Variants in RTN1 observed in about 807,000 individuals in gnomAD.
RTN1 encodes reticulon-1.
A neutral mutation model predicts 65.5 loss-of-function variants in RTN1; 25 were observed. The observed-to-expected ratio is 0.38, with a 90% CI of 0.28 to 0.53. RTN1 has a LOEUF of 0.53. Among genes scored for constraint, RTN1 ranks in the 20% least tolerant of loss-of-function variants. RTN1 has a pLI of 0.79. For missense variants in RTN1, 983 were observed against 1,025.4 expected, an observed-to-expected ratio of 0.96 and a Z score of 0.57; for synonymous variants, 471 against 447.6, an observed-to-expected ratio of 1.05 and a Z score of -0.66.
intron 3 of RTN1, among the ~76,000 whole-genome samples, chr14:59,716,521 T>C (rs931373575): frequency 2.6e-5 from 4 of 152,232 alleles, no homozygotes; most frequent in Admixed American, 2.0e-4. Flanking sequence ...TCTGTCTTTG[T>C]GCTTGTTTCA....
At chr14:59,856,399 CT>C (rs1887608839) in intron 1 of RTN1, among the ~76,000 whole-genome samples, 1 of 152,176 alleles carries the variant, frequency 6.6e-6, no homozygotes, top group African/African-American at 2.4e-5. Context: ...GCTGCCTTCT[CT>C]GGTAAGAGAA....
At chr14:59,683,736 A>G (rs1404326696) in intron 3 of RTN1, among the ~76,000 whole-genome samples, 1 of 152,012 alleles carries the variant, frequency 6.6e-6, no homozygotes, top group Non-Finnish European at 1.5e-5. Flanking sequence ...TTACTCTCTT[A>G]TTTCCTTAGT....
intron 3 of RTN1, among the ~76,000 whole-genome samples, chr14:59,617,465 A>G (rs1231226856): frequency 6.6e-6 from 1 of 152,254 alleles, no homozygotes; most frequent in Non-Finnish European, 1.5e-5. Flanking sequence ...CTCTTGCTGT[A>G]CTTTATGCAA....
chr14:59,654,299 G>A (rs913706814), intron 3 of RTN1, among the ~76,000 whole-genome samples: 2 of 151,904 alleles, frequency 1.3e-5, no homozygotes, highest in Admixed American at 6.6e-5. Flanking sequence ...ATGGTGGCTC[G>A]TGCCTGTAGC....
At chr14:59,782,596 T>G (rs1257095926) in intron 1 of RTN1, among the ~76,000 whole-genome samples, 1 of 152,168 alleles carries the variant, frequency 6.6e-6, no homozygotes, top group African/African-American at 2.4e-5. Context: ...ATCCCAAGTC[T>G]CTTACCTAAT....
At chr14:59,801,069 G>A (rs1238083790) in intron 1 of RTN1, among the ~76,000 whole-genome samples, 3 of 151,852 alleles carry the variant, frequency 2.0e-5, no homozygotes, top group Non-Finnish European at 2.9e-5. Context: ...GAATGGGGGA[G>A]GAAAAAACAA....
In RTN1 at chr14:59,810,798, C is replaced by T. The variant is rs563337096; in HGVS notation, c.241+59592G>A. Among the ~76,000 whole-genome samples the T allele has an allele frequency of 9.2e-5, 14 of 152,224 alleles. No homozygotes were observed. In the East Asian group the frequency reaches 2.1e-3, roughly 23 times the overall value. On this transcript the variant is annotated intron_variant, in intron 1 of 8. Transcript: ENST00000267484. ...GACAAGTACAGCCATGGCAGCAAGA[C>T]AATATGTTGCGTGTAGAGAACTAAA...
chr14:59,747,824 T>C (rs1035404545), intron 1 of RTN1, among the ~76,000 whole-genome samples: 1 of 151,900 alleles, frequency 6.6e-6, no homozygotes, highest in South Asian at 2.1e-4. Context: ...CACACACACA[T>C]ATACACAAAC....
chr14:59,686,629 C>T (rs1005268972), intron 3 of RTN1, among the ~76,000 whole-genome samples: 21 of 152,182 alleles, frequency 1.4e-4, no homozygotes, highest in African/African-American at 5.1e-4. Flanking sequence ...AAACAGCCCT[C>T]GTGACAGTGT....
At chr14:59,740,549 G>A (rs1885096463) in intron 2 of RTN1, among the ~76,000 whole-genome samples, 1 of 152,090 alleles carries the variant, frequency 6.6e-6, no homozygotes, top group Non-Finnish European at 1.5e-5. Context: ...GAAAAAGAAG[G>A]CCCAGGGTCT....
At chr14:59,653,633 AAT>A (rs1170186450) in intron 3 of RTN1, among the ~76,000 whole-genome samples, 2 of 151,880 alleles carry the variant, frequency 1.3e-5, no homozygotes, top group African/African-American at 2.4e-5. Context: ...TATATAAAGC[AAT>A]AGTCATATGA....
chr14:59,598,184 T>C (rs1881465875), intron 8 of RTN1, among the ~76,000 whole-genome samples: 1 of 151,916 alleles, frequency 6.6e-6, no homozygotes, highest in African/African-American at 2.4e-5. Flanking sequence ...GACATGGAAA[T>C]GAAGAGAGGG....
chr14:59,792,154 G>A (rs1438721312), intron 1 of RTN1, among the ~76,000 whole-genome samples: 1 of 152,066 alleles, frequency 6.6e-6, no homozygotes, highest in East Asian at 1.9e-4. Flanking sequence ...ACTTTTTGCT[G>A]GGTTTTAAAT....
chr14:59,599,208 G>A (rs181637513), intron 8 of RTN1, among the ~76,000 whole-genome samples: 22 of 152,036 alleles, frequency 1.4e-4, no homozygotes, highest in Admixed American at 5.9e-4. Context: ...TCTATCCCTC[G>A]CCGCATTCTA....
intron 3 of RTN1, among the ~76,000 whole-genome samples, chr14:59,673,744 G>A (rs985072738): frequency 2.6e-5 from 4 of 152,280 alleles, no homozygotes; most frequent in Admixed American, 6.5e-5. Flanking sequence ...CGCTCCAGTC[G>A]TGGACTCTAT....
Position 59,793,081 on chromosome 14 carries a change from C to T in RTN1, c.242-46600G>A, listed in dbSNP as rs577378136. Among the ~76,000 whole-genome samples the T allele has an allele frequency of 9.9e-5, 15 of 152,194 alleles. No individual in the cohort carries two copies. The South Asian group carries it at 3.1e-3, about 32-fold the overall frequency. Reference sequence around the variant, plus strand: ...AATATACTCGGGCCCCAAGGTCAAACCATAACAACCTTATGAACAAATTAC... The same window carrying T: ...AATATACTCGGGCCCCAAGGTCAAATCATAACAACCTTATGAACAAATTAC... On this transcript the variant is annotated intron_variant, in intron 1 of 8. Coordinates refer to ENST00000267484, the MANE Select transcript of RTN1 (RefSeq NM_021136.3).
In RTN1 at chr14:59,623,160, C is replaced by G. The variant is rs1882301152; in HGVS notation, c.1766-15668G>C. ...TCCACGAGAGACAAAAGGAATTATA[C>G]TATTCCCGAATGACTCCTCCTCGGG... On this transcript the variant is annotated intron_variant, in intron 3 of 8. Transcript: ENST00000267484. 2.6e-5 allele frequency among the ~76,000 whole-genome samples: 4 copies of G among 152,252 alleles called. No homozygotes were observed. In the South Asian group the frequency reaches 8.3e-4, roughly 32 times the overall value.
chr14:59,747,267 C>T (rs965679509), intron 1 of RTN1, among the ~76,000 whole-genome samples: 1 of 152,198 alleles, frequency 6.6e-6, no homozygotes, highest in African/African-American at 2.4e-5. Flanking sequence ...AGAATATTTT[C>T]ACCAGGCTCT....
intron 3 of RTN1, among the ~76,000 whole-genome samples, chr14:59,704,285 G>A (rs529875645): frequency 6.6e-6 from 1 of 152,260 alleles, no homozygotes; most frequent in East Asian, 1.9e-4. Flanking sequence ...GCCACGAATA[G>A]TCAAATCTCT....
Sources: gnomAD v4.1 joint callset for allele counts (sites outside exome capture counted in the v4.1 genomes callset) on GRCh38, gnomAD v4.1.1 for gene constraint, MANE v1.5 for transcripts, NCBI Gene and HGNC (gene_info 2026-07-23, HGNC 2026-07-21) for gene names.